The following KIF6 variants were observed in gnomAD, a reference collection of about 807,000 sequenced individuals.
KIF6 encodes the protein kinesin-like protein KIF6.
A neutral mutation model predicts 112.7 loss-of-function variants in KIF6; 106 were observed. The ratio of observed to expected loss-of-function variants is 0.94; its 90% CI spans 0.80 to 1.11. The LOEUF (loss-of-function observed/expected upper bound fraction) is 1.11. Ranked by LOEUF, KIF6 falls within the 50% of genes least tolerant of loss-of-function variation. KIF6 has a pLI of 0.00. For missense variants in KIF6, 929 were observed against 964.0 expected (o/e 0.96, Z 0.48); for synonymous variants, 339 against 339.9 (o/e 1.00, Z 0.03).
chr6:39,628,561 T>C (rs936184638), intron 5 of KIF6, among the ~76,000 whole-genome samples: 18 of 152,154 alleles, frequency 1.2e-4, no homozygotes. Flanking sequence ...GTTCACCAAT[T>C]GGAATCATAC....
At chr6:39,528,989 T>G (rs1013596052) in intron 13 of KIF6, among the ~76,000 whole-genome samples, 1 of 152,168 alleles carries the variant, frequency 6.6e-6, no homozygotes, top group African/African-American at 2.4e-5. Context: ...TGGAACAGAA[T>G]AGAGAGCTCA....
intron 13 of KIF6, among the ~76,000 whole-genome samples, chr6:39,485,389 T>G (rs1775052156): frequency 6.6e-6 from 1 of 152,134 alleles, no homozygotes; most frequent in South Asian, 2.1e-4. Context: ...ATCCCCTTAT[T>G]ATGCTTGGCT....
Position 39,634,738 on chromosome 6 carries a change from A to G in KIF6, c.509+111T>C, listed in dbSNP as rs187911540. 4 of 745,004 alleles carry G rather than the reference A, an allele frequency of 5.4e-6. No individual in the cohort carries two copies. In the African/African-American group the frequency reaches 7.1e-5, roughly 13 times the overall value. The allele number at this position is 745,004 out of a possible 1,614,324, so 46.1% of individuals were successfully genotyped here. ...ATATTACAAAAAGATACGGTTATCCAGTATTTGCTAATTATGATTGAGACC... is the reference window on the plus strand; with the variant it reads ...ATATTACAAAAAGATACGGTTATCCGGTATTTGCTAATTATGATTGAGACC... On this transcript the variant is annotated intron_variant, in intron 5 of 22. Transcript: ENST00000287152.
At chr6:39,437,948 T>C (rs371585512) in intron 13 of KIF6, among the ~76,000 whole-genome samples, 1 of 151,692 alleles carries the variant, frequency 6.6e-6, no homozygotes, top group South Asian at 2.1e-4. Flanking sequence ...TACTGATTTA[T>C]GTATTTACTA....
chr6:39,511,590 G>A (rs947959475), intron 13 of KIF6, among the ~76,000 whole-genome samples: 11 of 152,118 alleles, frequency 7.2e-5, no homozygotes, highest in African/African-American at 2.4e-4. Context: ...TCCCATTACT[G>A]GGTATATACC....
intron 10 of KIF6, among the ~76,000 whole-genome samples, chr6:39,576,206 C>A (rs1780966887): frequency 1.3e-5 from 2 of 151,912 alleles, no homozygotes; most frequent in South Asian, 2.1e-4. Flanking sequence ...ATCACTGTAA[C>A]CTCTGCCTCC....
At chr6:39,351,496 C>T (rs1764244261) in intron 19 of KIF6, among the ~76,000 whole-genome samples, 1 of 152,080 alleles carries the variant, frequency 6.6e-6, no homozygotes, top group African/African-American at 2.4e-5. Flanking sequence ...TCAAGCGATC[C>T]ACCGGCTTTA....
intron 13 of KIF6, 132 bp downstream of exon 13, chr6:39,539,871 G>A: frequency 2.9e-6 from 2 of 685,870 alleles, no homozygotes; most frequent in Non-Finnish European, 4.9e-6. Flanking sequence ...TTTAATTTAA[G>A]ATAATTGATA....
At chr6:39,655,909 T>C (rs1252484337) in intron 3 of KIF6, among the ~76,000 whole-genome samples, 2 of 152,260 alleles carry the variant, frequency 1.3e-5, no homozygotes, top group African/African-American at 4.8e-5. Context: ...TTCTTGTACA[T>C]GTTCCTTTCC....
intron 16 of KIF6, among the ~76,000 whole-genome samples, chr6:39,380,306 C>T (rs1433578330): frequency 6.6e-6 from 1 of 152,208 alleles, no homozygotes; most frequent in African/African-American, 2.4e-5. Flanking sequence ...AAGACACCCC[C>T]AGCTCTGACT....
chr6:39,508,044 T>C (rs1470958351), intron 13 of KIF6, among the ~76,000 whole-genome samples: 3 of 147,120 alleles, frequency 2.0e-5, no homozygotes, highest in Non-Finnish European at 3.0e-5. Flanking sequence ...TCTTTCTTCT[T>C]CTGTCCTCTT....
intron 13 of KIF6, among the ~76,000 whole-genome samples, chr6:39,525,808 G>GATAAATAAATAA (rs55659921): frequency 2.1e-4 from 31 of 147,646 alleles, no homozygotes; most frequent in South Asian, 2.2e-4. Flanking sequence ...TAACTAAATA[G>GATAAATAAATAA]ATAAATAAAT....
intron 13 of KIF6, among the ~76,000 whole-genome samples, chr6:39,490,426 G>A (rs73412733): frequency 6.6e-6 from 1 of 152,190 alleles, no homozygotes; most frequent in Non-Finnish European, 1.5e-5. Flanking sequence ...AAAAGTACTA[G>A]GTTGGGAAAC....
At chr6:39,390,602 T>TG (rs1767800557) in intron 15 of KIF6, among the ~76,000 whole-genome samples, 1 of 152,154 alleles carries the variant, frequency 6.6e-6, no homozygotes, top group Non-Finnish European at 1.5e-5. Flanking sequence ...TACTGGAGTC[T>TG]GGGGTCCTGG....
At chr6:39,601,045 T>C (rs574647351) in intron 6 of KIF6, among the ~76,000 whole-genome samples, 1 of 152,294 alleles carries the variant, frequency 6.6e-6, no homozygotes, top group South Asian at 2.1e-4. Flanking sequence ...GATATTCACT[T>C]TATTCAGATG....
rs550865010 is a variant in KIF6, at chr6:39,421,876, C to T, written c.1755-1873G>A. Among the ~76,000 whole-genome samples the T allele has an allele frequency of 7.2e-5, 11 of 152,294 alleles. No individual in the cohort carries two copies. In the South Asian group the frequency reaches 2.3e-3, roughly 32 times the overall value. On this transcript the variant is annotated intron_variant, in intron 14 of 22. Transcript: ENST00000287152. ...TGGGCTCTGTGGGCTCATATGGCCT[C>T]TGCTGCTGGGCAGGCATAAGGCGAC... is the stretch of plus-strand genomic sequence containing the variant.
At chr6:39,388,492 T>C (rs578085445) in intron 15 of KIF6, among the ~76,000 whole-genome samples, 1 of 152,294 alleles carries the variant, frequency 6.6e-6, no homozygotes, top group South Asian at 2.1e-4. Flanking sequence ...CTAGTGATAC[T>C]CAGTTTTGGT....
intron 3 of KIF6, among the ~76,000 whole-genome samples, chr6:39,698,722 A>G (rs160033): frequency 0.96 from 146,387 of 152,274 alleles, 70,584 homozygotes; most frequent in East Asian, 1. Flanking sequence ...AGCCATTGGG[A>G]TTTTCTTATT....
chr6:39,498,424 G>A (rs1016686279), intron 13 of KIF6, among the ~76,000 whole-genome samples: 7 of 152,200 alleles, frequency 4.6e-5, no homozygotes, highest in Non-Finnish European at 5.9e-5. Context: ...ATGAATGTTA[G>A]AGCAATTGTA....
Sources: allele counts gnomAD v4.1 joint callset (sites outside exome capture counted in the v4.1 genomes callset), GRCh38; gene constraint gnomAD v4.1.1; transcripts MANE v1.5; gene names NCBI Gene and HGNC (gene_info 2026-07-23, HGNC 2026-07-21).